HIVEP3: variants seen among roughly 807,000 people sequenced by gnomAD.
HIVEP3 encodes the protein transcription factor HIVEP3.
In HIVEP3, 49 loss-of-function variants were observed where a neutral mutation model predicts 152.8. The ratio of observed to expected loss-of-function variants is 0.32; its 90% CI spans 0.26 to 0.41. The LOEUF is 0.41. Ranked by LOEUF, HIVEP3 falls within the 10% of genes least tolerant of loss-of-function variation. The probability of loss-of-function intolerance (pLI) is 1.00; values close to 1 mark genes in which losing one functional copy is unlikely to be tolerated. For missense variants in HIVEP3, 2,790 were observed against 3,103.3 expected, an observed-to-expected ratio of 0.90 and a Z score of 2.40; for synonymous variants, 1,269 against 1,289.0, an observed-to-expected ratio of 0.98 and a Z score of 0.33.
At chr1:41,681,342 T>G (rs1327904167) in intron 2 of HIVEP3, among the ~76,000 whole-genome samples, 1 of 152,182 alleles carries the variant, frequency 6.6e-6, no homozygotes, top group African/African-American at 2.4e-5. Context: ...AATCCTCCCG[T>G]CTTAGCCTCA....
At chr1:41,942,409 C>T (rs1194305981) in intron 1 of HIVEP3, among the ~76,000 whole-genome samples, 1 of 152,222 alleles carries the variant, frequency 6.6e-6, no homozygotes, top group African/African-American at 2.4e-5. Context: ...TAGAACTACA[C>T]TAACACATCA....
chr1:41,996,732 C>A (rs1013506893), intron 1 of HIVEP3, among the ~76,000 whole-genome samples: 4 of 152,170 alleles, frequency 2.6e-5, no homozygotes, highest in African/African-American at 9.7e-5. Context: ...TAAAACAATA[C>A]AAATTTACTA....
intron 7 of HIVEP3, among the ~76,000 whole-genome samples, chr1:41,516,190 G>GGGCCCTTGCAGGAGCGGCCCCA (rs1558019168): frequency 0.066 from 363 of 5,508 alleles, no homozygotes; most frequent in Admixed American, 0.18. Context: ...GGGCGGCCCC[G>GGGCCCTTGCAGGAGCGGCCCCA]CCCCTGCTGG....
intron 2 of HIVEP3, among the ~76,000 whole-genome samples, chr1:41,629,849 C>G (rs1423262999): frequency 6.6e-6 from 1 of 152,188 alleles, no homozygotes; most frequent in African/African-American, 2.4e-5. Flanking sequence ...AGCTCAGCCA[C>G]TGTGGAAAGC....
chr1:41,687,604 G>C (rs1435094199), intron 2 of HIVEP3, among the ~76,000 whole-genome samples: 1 of 152,228 alleles, frequency 6.6e-6, no homozygotes, highest in Non-Finnish European at 1.5e-5. Context: ...GCCTGGCCCA[G>C]CTGCAGCAAA....
chr1:41,868,004 G>T (rs1644010092), intron 1 of HIVEP3, among the ~76,000 whole-genome samples: 1 of 147,622 alleles, frequency 6.8e-6, no homozygotes, highest in Admixed American at 7.0e-5. Context: ...AGCAGTGAAA[G>T]CCACCCACCA....
intron 1 of HIVEP3, among the ~76,000 whole-genome samples, chr1:41,891,141 A>C (rs12059980): frequency 0.12 from 18,607 of 152,048 alleles, 2,589 homozygotes; most frequent in African/African-American, 0.34. Context: ...TTTTCCAGGA[A>C]ACTCGTCTGG....
At chr1:41,714,659 C>T (rs1410843516) in intron 1 of HIVEP3, among the ~76,000 whole-genome samples, 1 of 152,140 alleles carries the variant, frequency 6.6e-6, no homozygotes, top group Non-Finnish European at 1.5e-5. Context: ...CTGGGGCTGA[C>T]ATGGGGAGAG....
chr1:41,763,954 T>G (rs1044506666), intron 1 of HIVEP3, among the ~76,000 whole-genome samples: 1 of 152,176 alleles, frequency 6.6e-6, no homozygotes, highest in Non-Finnish European at 1.5e-5. Context: ...GATGTGGCCA[T>G]GTGGCCATGG....
At chr1:41,811,942 G>T (rs895571407) in intron 1 of HIVEP3, among the ~76,000 whole-genome samples, 3 of 152,080 alleles carry the variant, frequency 2.0e-5, no homozygotes, top group Admixed American at 1.3e-4. Flanking sequence ...GAGGCCCAGA[G>T]AAGCCCCCGA....
chr1:41,853,358 C>T (rs144636411), intron 1 of HIVEP3, among the ~76,000 whole-genome samples: 2,494 of 152,162 alleles, frequency 0.016, 37 homozygotes, highest in Non-Finnish European at 0.021. Flanking sequence ...GCTGGGGAGG[C>T]CTCAGGACAT....
chr1:41,827,085 A>G (rs897100518), intron 1 of HIVEP3, among the ~76,000 whole-genome samples: 2 of 152,154 alleles, frequency 1.3e-5, no homozygotes, highest in Non-Finnish European at 2.9e-5. Context: ...AGAAACACCC[A>G]GGAAGATGGT....
chr1:41,712,568 C>T (rs868111715), intron 1 of HIVEP3, among the ~76,000 whole-genome samples: 2 of 152,242 alleles, frequency 1.3e-5, no homozygotes, highest in African/African-American at 2.4e-5. Context: ...CTAACAGTGA[C>T]AAATTAACTT....
chr1:41,919,471 T>C (rs1426932085), upstream of HIVEP3, among the ~76,000 whole-genome samples: 1 of 152,230 alleles, frequency 6.6e-6, no homozygotes, highest in East Asian at 1.9e-4. Context: ...AGAATAGTTC[T>C]GGCACTATTT....
intron 5 of HIVEP3, among the ~76,000 whole-genome samples, chr1:41,526,612 C>T (rs1355834703): frequency 6.2e-5 from 2 of 32,450 alleles, no homozygotes; most frequent in African/African-American, 1.2e-4. Flanking sequence ...CCTGCTCCCA[C>T]CCCCACCTTC....
chr1:41,858,379 C>T (rs1570681925), intron 1 of HIVEP3, among the ~76,000 whole-genome samples: 1 of 152,198 alleles, frequency 6.6e-6, no homozygotes, highest in African/African-American at 2.4e-5. Context: ...CATGCCCTGT[C>T]ATTCACAAAA....
At chr1:42,028,407 T>G (rs1381111833) in intron 1 of HIVEP3, among the ~76,000 whole-genome samples, 1 of 152,196 alleles carries the variant, frequency 6.6e-6, no homozygotes, top group African/African-American at 2.4e-5. Flanking sequence ...AGCACTTTTC[T>G]TTCTGCTGCC....
rs1026599367 is a variant in HIVEP3 at position 41,873,033 on chromosome 1, AAGG to A, written c.-801+45377_-801+45379del. ...TATTAAAGGACTTACTGGATTTTAT[AAGG>A]AAAAGAGGAAACGAGACGAAAGAAA... On this transcript the variant is annotated intron_variant, in intron 1 of 8. Coordinates refer to ENST00000372583, the MANE Select transcript of HIVEP3 (RefSeq NM_024503.5). The surrounding 1 kb of genome is among the most constrained non-coding windows in gnomAD (Gnocchi z 4.2). Among the ~76,000 whole-genome samples, 7 of 152,228 alleles carry A rather than the reference AAGG, an allele frequency of 4.6e-5. No individual in the cohort carries two copies. The highest frequency in any genetic ancestry group is 1.7e-4 in the African/African-American group (7 of 41,454).
chr1:41,856,659 G>T (rs184215282), intron 1 of HIVEP3, among the ~76,000 whole-genome samples: 342 of 152,272 alleles, frequency 2.2e-3, no homozygotes, highest in Admixed American at 4.5e-3. Flanking sequence ...ATGTCTTGAG[G>T]GAGGAAGGGA....
Sources: gnomAD v4.1 joint callset for allele counts (sites outside exome capture counted in the v4.1 genomes callset) on GRCh38, gnomAD v4.1.1 for gene constraint, Gnocchi (gnomAD v3.1) non-coding constraint, MANE v1.5 for transcripts, NCBI Gene and HGNC (gene_info 2026-07-23, HGNC 2026-07-21) for gene names.